The following TTC34 variants were observed in gnomAD, a reference collection of about 807,000 sequenced individuals.
TTC34 encodes tetratricopeptide repeat domain 34.
A neutral mutation model predicts 40.7 loss-of-function variants in TTC34; 44 were observed. The ratio of observed to expected loss-of-function variants is 1.08; its 90% CI spans 0.85 to 1.39. The LOEUF (loss-of-function observed/expected upper bound fraction) is 1.39, where lower values mean the gene tolerates loss of function less well. TTC34 is among the 40% of genes most tolerant of loss of function. The probability of loss-of-function intolerance (pLI) is 0.00; values close to 1 mark genes in which losing one functional copy is unlikely to be tolerated. For missense variants in TTC34, 884 were observed against 838.0 expected (o/e 1.05, Z -0.68); for synonymous variants, 422 against 398.6 (o/e 1.06, Z -0.70).
chr1:2,688,300 C>T (rs1160533514), intron 6 of TTC34, among the ~76,000 whole-genome samples: 19 of 122,924 alleles, frequency 1.5e-4, no homozygotes, highest in Non-Finnish European at 2.8e-4. Flanking sequence ...CCCAGGCGAG[C>T]ATCTGACAGC....
At chr1:2,750,973 G>C (rs1641300212) in intron 6 of TTC34, among the ~76,000 whole-genome samples, 1 of 112,838 alleles carries the variant, frequency 8.9e-6, no homozygotes, top group Non-Finnish European at 1.7e-5. Context: ...ACACCCCCAG[G>C]TGCGCATGTG....
At chr1:2,694,812 G>T (rs773719725) in intron 6 of TTC34, among the ~76,000 whole-genome samples, 2 of 57,642 alleles carry the variant, frequency 3.5e-5, no homozygotes, top group East Asian at 4.2e-4. Flanking sequence ...GCATCTGACA[G>T]CCTGGAACGA....
At chr1:2,685,909 A>C (rs1640316709) in intron 6 of TTC34, among the ~76,000 whole-genome samples, 1 of 146,380 alleles carries the variant, frequency 6.8e-6, no homozygotes, top group African/African-American at 2.6e-5. Flanking sequence ...AGCCTGGAAC[A>C]GCACGCACAC....
In TTC34 at chr1:2,694,827, C is replaced by G. The variant is rs528928049; in HGVS notation, c.2227-49264G>C. Among the ~76,000 whole-genome samples the G allele has an allele frequency of 1.2e-4, 11 of 89,940 alleles. 1 individual carries two copies. The highest frequency in any genetic ancestry group is 3.9e-4 in the African/African-American group (11 of 27,932). The allele number at this position is 89,940 out of a possible 152,430, so 59.0% of individuals were successfully genotyped here. On this transcript the variant is annotated intron_variant, in intron 6 of 8. Transcript: ENST00000401095. ...GCATCTGACAGCCTGGAACGACACC[C>G]ACACCCCCAGGTGAGCATCTGATGG... is the stretch of plus-strand genomic sequence containing the variant.
At chr1:2,647,565 T>C (rs1466461705) in intron 6 of TTC34, among the ~76,000 whole-genome samples, 2 of 152,148 alleles carry the variant, frequency 1.3e-5, no homozygotes, top group Non-Finnish European at 2.9e-5. Flanking sequence ...TCCCAGGAGG[T>C]GGAGGTTGCG....
intron 6 of TTC34, among the ~76,000 whole-genome samples, chr1:2,687,686 C>A (rs527244210): frequency 8.4e-4 from 94 of 111,654 alleles, no homozygotes; most frequent in African/African-American, 3.9e-3. Flanking sequence ...AGCACGCACA[C>A]CCCCAGTTGA....
intron 6 of TTC34, among the ~76,000 whole-genome samples, chr1:2,756,572 A>G (rs1469685064): frequency 7.7e-3 from 68 of 8,818 alleles, no homozygotes; most frequent in African/African-American, 0.023. Context: ...TGACAGCCTG[A>G]AGCAGCACCC....
At chr1:2,752,703 G>A (rs1445543738) in intron 6 of TTC34, among the ~76,000 whole-genome samples, 1 of 140,818 alleles carries the variant, frequency 7.1e-6, no homozygotes, top group Non-Finnish European at 1.5e-5. Flanking sequence ...GCCCAGATGA[G>A]CATCTGACAG....
At position 2,796,125 on chromosome 1, in the gene TTC34, G is replaced by A. The variant is rs1161909421; in HGVS notation, c.784+3919C>T. On this transcript the variant is annotated intron_variant, in intron 2 of 8. Coordinates refer to ENST00000401095, the Ensembl canonical transcript of TTC34. The surrounding 1 kb of genome is among the most constrained non-coding windows in gnomAD (Gnocchi z 4.5). The stretch of plus-strand genomic sequence containing the variant: ...CATTCAAGGCGCCATCTTGGAATCC[G>A]AATCCCCAAGCCTGTTGGGGCCTTG... Among the ~76,000 whole-genome samples the A allele has an allele frequency of 2.0e-5, 3 of 152,130 alleles. No homozygotes were observed. The highest frequency in any genetic ancestry group is 4.4e-5 in the Non-Finnish European group (3 of 68,022).
chr1:2,677,304 C>T (rs1387664001), intron 6 of TTC34, among the ~76,000 whole-genome samples: 21 of 48,786 alleles, frequency 4.3e-4, no homozygotes, highest in East Asian at 1.1e-3. Context: ...AGGTGAGCAT[C>T]GGAGAGTCAG....
intron 6 of TTC34, among the ~76,000 whole-genome samples, chr1:2,750,652 G>T: frequency 9.7e-6 from 1 of 103,414 alleles, no homozygotes; most frequent in Non-Finnish European, 2.1e-5. Flanking sequence ...ACACCCCCAG[G>T]TGAGCATCTG....
intron 6 of TTC34, among the ~76,000 whole-genome samples, chr1:2,750,808 C>G (rs1641294767): frequency 1.5e-5 from 2 of 135,354 alleles, no homozygotes; most frequent in Admixed American, 7.5e-5. Flanking sequence ...CGCCCACACC[C>G]CCAGGCGAGC....
At chr1:2,644,862 G>A (rs900408369) in intron 7 of TTC34, among the ~76,000 whole-genome samples, 5 of 152,178 alleles carry the variant, frequency 3.3e-5, no homozygotes, top group African/African-American at 1.2e-4. Flanking sequence ...TAGTGGTGAA[G>A]TGGTTTCCAC....
exon 2 of TTC34, chr1:2,800,665 C>A: frequency 2.5e-6 from 1 of 398,472 alleles, no homozygotes; most frequent in Non-Finnish European, 4.4e-6. Context: ...ACCGCCGCCC[C>A]CCGAGCCTGG....
intron 6 of TTC34, among the ~76,000 whole-genome samples, chr1:2,698,744 G>A (rs1192473026): frequency 2.1e-5 from 3 of 141,292 alleles, no homozygotes; most frequent in Non-Finnish European, 3.1e-5. Flanking sequence ...GCTTGCATCC[G>A]ACAGCCTGGA....
intron 6 of TTC34, among the ~76,000 whole-genome samples, chr1:2,652,427 C>G (rs1019008287): frequency 3.9e-5 from 6 of 152,366 alleles, no homozygotes; most frequent in East Asian, 1.9e-4. Context: ...ATCTGACAGC[C>G]TGGAACAGCA....
chr1:2,691,586 C>G (rs796800690), intron 6 of TTC34, among the ~76,000 whole-genome samples: 8 of 115,292 alleles, frequency 6.9e-5, no homozygotes, highest in African/African-American at 2.1e-4. Flanking sequence ...CCCACATGCC[C>G]AGGTGAGACC....
chr1:2,764,185 C>A (rs1344700517), intron 6 of TTC34, among the ~76,000 whole-genome samples: 2 of 150,102 alleles, frequency 1.3e-5, no homozygotes, highest in Non-Finnish European at 3.0e-5. Context: ...CCTGCAACCC[C>A]AGGTGAGCAT....
chr1:2,684,899 C>A (rs1162719441), intron 6 of TTC34, among the ~76,000 whole-genome samples: 5 of 129,184 alleles, frequency 3.9e-5, no homozygotes, highest in African/African-American at 1.7e-4. Context: ...ATCTGACAGC[C>A]TGGAACAGCA....
Sources: gnomAD v4.1 joint callset for allele counts (sites outside exome capture counted in the v4.1 genomes callset) on GRCh38, gnomAD v4.1.1 for gene constraint, Gnocchi (gnomAD v3.1) non-coding constraint, MANE v1.5 for transcripts, NCBI Gene and HGNC (gene_info 2026-07-23, HGNC 2026-07-21) for gene names.